The following PRUNE2 variants were observed in gnomAD, a reference collection of about 807,000 sequenced individuals.
The protein encoded by PRUNE2 is protein prune homolog 2.
A neutral mutation model predicts 252.0 loss-of-function variants in PRUNE2; 164 were observed. That is an observed-to-expected ratio of 0.65 (90% CI 0.57 to 0.74). The LOEUF (loss-of-function observed/expected upper bound fraction) is 0.74, where lower values mean the gene tolerates loss of function less well. Ranked by LOEUF, PRUNE2 falls within the 30% of genes least tolerant of loss-of-function variation. PRUNE2 has a pLI of 0.00. For missense variants in PRUNE2, 3,495 were observed against 3,711.0 expected, an observed-to-expected ratio of 0.94 and a Z score of 1.51; for synonymous variants, 1,292 against 1,350.2, an observed-to-expected ratio of 0.96 and a Z score of 0.94.
In PRUNE2 at chr9:76,837,700, AT is replaced by A. The variant is rs1460499800; in HGVS notation, c.508+8814del. ...ATATGTGTTTATTTCAGTAAAAATGATTATAATTAATCATATTTTAATTTTT... is the reference window on the plus strand; with the variant it reads ...ATATGTGTTTATTTCAGTAAAAATGATATAATTAATCATATTTTAATTTTT... On this transcript the variant is annotated intron_variant, in intron 4 of 18. Coordinates refer to ENST00000376718, the MANE Select transcript of PRUNE2 (RefSeq NM_015225.3). 4.0e-5 allele frequency among the ~76,000 whole-genome samples: 6 copies of A among 151,890 alleles called. No individual in the cohort carries two copies. In the East Asian group the frequency reaches 1.2e-3, roughly 29 times the overall value.
chr9:76,775,375 C>A (rs2053622171), intron 6 of PRUNE2, among the ~76,000 whole-genome samples: 1 of 152,174 alleles, frequency 6.6e-6, no homozygotes, highest in South Asian at 2.1e-4. Context: ...CAGTTCACTG[C>A]AGCCTTGACC....
intron 1 of PRUNE2, chr9:76,868,966 G>A (rs2061019335): frequency 6.6e-6 from 1 of 151,874 alleles, no homozygotes. Flanking sequence ...CTGCTGCTGT[G>A]CGGCACAGCT....
chr9:76,615,822 C>T (rs1175452842), intron 18 of PRUNE2, among the ~76,000 whole-genome samples: 4 of 114,758 alleles, frequency 3.5e-5, no homozygotes, highest in African/African-American at 1.3e-4. Context: ...CATGCTGGAG[C>T]TCAGTGGTGC....
chr9:76,639,069 C>T (rs1841398944), intron 12 of PRUNE2, among the ~76,000 whole-genome samples: 1 of 152,202 alleles, frequency 6.6e-6, no homozygotes, highest in African/African-American at 2.4e-5. Flanking sequence ...GAGGAAATCT[C>T]TATTTAATGA....
In PRUNE2 at chr9:76,817,662, T is replaced by G. The variant is rs1038094287; in HGVS notation, c.756+5970A>C. The G allele has an allele frequency of 3.9e-5, 6 of 152,210 alleles. No homozygotes were observed. The East Asian group carries it at 1.2e-3, about 29-fold the overall frequency. 9.4% of individuals were successfully genotyped at this position (152,210 alleles called of 1,614,324 possible). ...TCTGAATCACCCCTGGCCACCTGAC[T>G]GGGAACACCAAATAGGATTGCTACA... is the stretch of plus-strand genomic sequence containing the variant. On this transcript the variant is annotated intron_variant, in intron 6 of 18. Transcript: ENST00000376718.
At chr9:76,631,503 C>A (rs969154861) in intron 15 of PRUNE2, among the ~76,000 whole-genome samples, 2 of 152,178 alleles carry the variant, frequency 1.3e-5, no homozygotes, top group African/African-American at 2.4e-5. Flanking sequence ...CAGGTATACC[C>A]CCAAACTCAC....
In PRUNE2 at chr9:76,824,170, C is replaced by T. The variant is rs182074628; in HGVS notation, c.662-444G>A. Reference sequence around the variant, plus strand: ...CTCCTCGCCTCCATCCCTACCTGTTCCTAACTCTTCCTATTGGTCAAACCC... The same window carrying T: ...CTCCTCGCCTCCATCCCTACCTGTTTCTAACTCTTCCTATTGGTCAAACCC... On this transcript the variant is annotated intron_variant, in intron 5 of 18. Coordinates refer to ENST00000376718, the MANE Select transcript of PRUNE2 (RefSeq NM_015225.3). 5.1e-3 allele frequency among the ~76,000 whole-genome samples: 773 copies of T among 152,272 alleles called. 7 individuals are homozygous for T. Among genetic ancestry groups the T allele is most frequent in the Non-Finnish European group, 8.5e-3 (580 of 68,024 alleles).
chr9:76,634,131 A>G (rs1838947104), intron 15 of PRUNE2, among the ~76,000 whole-genome samples: 1 of 152,100 alleles, frequency 6.6e-6, no homozygotes, highest in Non-Finnish European at 1.5e-5. Context: ...AACAAACAAA[A>G]AAGTATCTAC....
At chr9:76,824,003 T>C (rs531781784) in intron 5 of PRUNE2, among the ~76,000 whole-genome samples, 15 of 151,872 alleles carry the variant, frequency 9.9e-5, no homozygotes, top group Admixed American at 3.3e-4. Context: ...GGTGAGAAAG[T>C]GAATAAAAGA....
At chr9:76,696,673 G>T (rs1451232292) in intron 9 of PRUNE2, among the ~76,000 whole-genome samples, 1 of 152,254 alleles carries the variant, frequency 6.6e-6, no homozygotes, top group African/African-American at 2.4e-5. Context: ...TGATCTGCCC[G>T]CCTTGGCCTC....
intron 1 of PRUNE2, among the ~76,000 whole-genome samples, chr9:76,880,870 A>G (rs2061733786): frequency 6.6e-6 from 1 of 152,234 alleles, no homozygotes; most frequent in African/African-American, 2.4e-5. Flanking sequence ...ATTAAAAAAT[A>G]AATAATTTTT....
rs986797828 is a variant in PRUNE2 at position 76,725,416 on chromosome 9, G to A, written c.757-11695C>T. On this transcript the variant is annotated intron_variant, in intron 6 of 18. Transcript: ENST00000376718. Reference sequence around the variant, plus strand: ...TACAGTTTGGGATTCGTTCTTCATGGGCAGATATCCTGATGGGTCTAATGA... The same window carrying A: ...TACAGTTTGGGATTCGTTCTTCATGAGCAGATATCCTGATGGGTCTAATGA... Among the ~76,000 whole-genome samples the A allele has an allele frequency of 4.6e-5, 7 of 152,084 alleles. No homozygotes were observed. The East Asian group carries it at 1.2e-3, about 25-fold the overall frequency.
chr9:76,815,822 C>A (rs1164102239), intron 6 of PRUNE2, among the ~76,000 whole-genome samples: 1 of 152,080 alleles, frequency 6.6e-6, no homozygotes, highest in African/African-American at 2.4e-5. Flanking sequence ...AAGTTGTCAA[C>A]AGAAACATCA....
In PRUNE2 at chr9:76,706,718, A is replaced by G. The variant is rs774931123; in HGVS notation, c.5556T>C (p.Ser1852=). The G allele has an allele frequency of 2.5e-6, 4 of 1,613,182 alleles. No individual in the cohort carries two copies. The Admixed American group carries it at 6.7e-5, about 27-fold the overall frequency. Residue 1852 remains serine (S), a synonymous_variant, in exon 8 of 19, where the codon AGT becomes AGC. Coordinates refer to ENST00000376718, the MANE Select transcript of PRUNE2 (RefSeq NM_015225.3). Reference sequence around the variant, plus strand: ...CTGAAGAATTTATCTCCAACACACCACTGGAGTCAGACAGCTCCCTTTCAA... The same window carrying G: ...CTGAAGAATTTATCTCCAACACACCGCTGGAGTCAGACAGCTCCCTTTCAA... ...SPFERELSDS[S]GVLEINSSVH...
intron 7 of PRUNE2, among the ~76,000 whole-genome samples, 186 bp downstream of exon 7, chr9:76,713,377 T>C (rs2135069350): frequency 6.6e-6 from 1 of 152,202 alleles, no homozygotes; most frequent in East Asian, 1.9e-4. Flanking sequence ...GAAATGCTTT[T>C]GGGGCTTTCT....
At chr9:76,795,406 T>TTC (rs1589270053) in intron 6 of PRUNE2, among the ~76,000 whole-genome samples, 1 of 152,168 alleles carries the variant, frequency 6.6e-6, no homozygotes, top group East Asian at 1.9e-4. Flanking sequence ...GGGGTCTTAT[T>TTC]TCTGATCCCT....
intron 3 of PRUNE2, among the ~76,000 whole-genome samples, chr9:76,848,189 C>A (rs767303374): frequency 6.6e-6 from 1 of 152,078 alleles, no homozygotes; most frequent in South Asian, 2.1e-4. Context: ...GCCTGAACCT[C>A]GGAGATGGAG....
intron 6 of PRUNE2, among the ~76,000 whole-genome samples, chr9:76,820,559 G>A (rs117132983): frequency 0.01 from 1,553 of 152,212 alleles, 17 homozygotes; most frequent in Non-Finnish European, 0.014. Flanking sequence ...CTTACACAAC[G>A]GTAGAATTAC....
chr9:76,865,213 C>A lies in PRUNE2; in HGVS notation c.37-11005G>T, dbSNP rs117248828. ...CTGTTTTTTAAAATATGTTTTACAG[C>A]CAGAAATGGTGGCTCATGCCAGTAA... On this transcript the variant is annotated intron_variant, in intron 1 of 18. Coordinates refer to ENST00000376718, the MANE Select transcript of PRUNE2 (RefSeq NM_015225.3). 7.0e-3 allele frequency among the ~76,000 whole-genome samples: 1,072 copies of A among 152,236 alleles called. 7 individuals carry two copies. The highest frequency in any genetic ancestry group is 0.011 in the Non-Finnish European group (722 of 68,020).
Sources: gnomAD v4.1 joint callset for allele counts (sites outside exome capture counted in the v4.1 genomes callset) on GRCh38, gnomAD v4.1.1 for gene constraint, MANE v1.5 for transcripts, NCBI Gene and HGNC (gene_info 2026-07-23, HGNC 2026-07-21) for gene names.